Variants in NCAM1 observed in about 807,000 individuals in gnomAD.
NCAM1 encodes antigen recognized by monoclonal antibody 5.1H11.
Under a neutral mutation model 109.8 loss-of-function variants are expected in NCAM1, and 14 were observed. That is an observed-to-expected ratio of 0.13 (90% confidence interval 0.08 to 0.20). The LOEUF is 0.20. Ranked by LOEUF, NCAM1 falls within the 10% of genes least tolerant of loss-of-function variation. The probability of loss-of-function intolerance (pLI) is 1.00; values close to 1 mark genes in which losing one functional copy is unlikely to be tolerated. For synonymous variants in NCAM1, 418 were observed against 442.9 expected (o/e 0.94, Z 0.70); for missense variants, 774 against 1,109.9 (o/e 0.70, Z 4.30).
At chr11:112,977,634 C>G (rs1037515466) in intron 1 of NCAM1, among the ~76,000 whole-genome samples, 1 of 151,746 alleles carries the variant, frequency 6.6e-6, no homozygotes, top group Non-Finnish European at 1.5e-5. Context: ...AAATATGATA[C>G]AAAAGGTTTA....
intron 1 of NCAM1, among the ~76,000 whole-genome samples, chr11:113,121,902 C>T (rs987105117): frequency 6.6e-6 from 1 of 152,178 alleles, no homozygotes; most frequent in Non-Finnish European, 1.5e-5. Context: ...TAAAGCAGAT[C>T]TTAAATTCTT....
chr11:113,273,403 C>T lies in NCAM1; in HGVS notation c.2456+1527C>T. On this transcript the variant is annotated intron_variant, in intron 19 of 19. Transcript: ENST00000316851. This position sits in a 1 kb window ranked among gnomAD's most constrained non-coding sequence, Gnocchi z 6.0. ...GCAGCCAGTCCTCTAGCAGCAGCGG[C>T]TGCCCCTGCCACAGAAGCCCCTCAG... The T allele has an allele frequency of 3.0e-6, 1 of 329,792 alleles. No individual in the cohort carries two copies. Among genetic ancestry groups the T allele is most frequent in the Non-Finnish European group, 6.0e-6 (1 of 165,380 alleles). The allele number at this position is 329,792 out of a possible 1,614,324, so 20.4% of individuals were successfully genotyped here. A position where few individuals can be genotyped will look rare whatever the true frequency, so the allele number is the denominator to read the frequency against.
intron 1 of NCAM1, among the ~76,000 whole-genome samples, chr11:112,987,442 A>C (rs1300858916): frequency 6.6e-6 from 1 of 152,096 alleles, no homozygotes; most frequent in Non-Finnish European, 1.5e-5. Context: ...TTTTTCCATA[A>C]TGATTTTCTG....
At position 113,115,484 on chromosome 11, in the gene NCAM1, A is replaced by G. The variant is rs192753806; in HGVS notation, c.53-86895A>G. ...TGAGCATCCACATGAAATAGCAAGAAAGAAAATACCCTACCCTCCACCTCA... is the reference window on the plus strand; with the variant it reads ...TGAGCATCCACATGAAATAGCAAGAGAGAAAATACCCTACCCTCCACCTCA... On this transcript the variant is annotated intron_variant, in intron 1 of 19. Transcript: ENST00000316851. Among the ~76,000 whole-genome samples the G allele has an allele frequency of 1.2e-4, 18 of 152,320 alleles. No individual in the cohort carries two copies. In the South Asian group the frequency reaches 1.9e-3, roughly 16 times the overall value.
chr11:113,237,584 T>C (rs1945201567), intron 14 of NCAM1, among the ~76,000 whole-genome samples: 2 of 152,214 alleles, frequency 1.3e-5, no homozygotes, highest in Admixed American at 1.3e-4. Context: ...GAGGAGCCAC[T>C]CTGGGCATGA....
At chr11:113,013,426 C>CAAAAA (rs34001751) in intron 1 of NCAM1, among the ~76,000 whole-genome samples, 7 of 95,964 alleles carry the variant, frequency 7.3e-5, no homozygotes, top group Admixed American at 1.2e-4. Context: ...GACTCTGTCT[C>CAAAAA]AAAAAAAAAA....
At chr11:113,071,626 C>T (rs918156787) in intron 1 of NCAM1, among the ~76,000 whole-genome samples, 6 of 151,946 alleles carry the variant, frequency 3.9e-5, no homozygotes, top group African/African-American at 7.2e-5. Flanking sequence ...GGGGTTTCAC[C>T]GTGTTAGCCA....
intron 8 of NCAM1, among the ~76,000 whole-genome samples, chr11:113,220,602 CTTTTTTTTTTTTTT>C (rs1175342641): frequency 1.3e-5 from 1 of 75,584 alleles, no homozygotes; most frequent in Admixed American, 1.7e-4. Flanking sequence ...CTCTCTCTCT[CTTTTTTTTTTTTTT>C]TTTTTTTTTG....
intron 1 of NCAM1, among the ~76,000 whole-genome samples, chr11:113,022,869 T>C (rs1408869242): frequency 2.6e-5 from 4 of 152,090 alleles, no homozygotes; most frequent in Non-Finnish European, 5.9e-5. Context: ...TCACACTACA[T>C]CTGCATTCTA....
At chr11:113,106,395 C>T (rs1308979957) in intron 1 of NCAM1, among the ~76,000 whole-genome samples, 7 of 152,160 alleles carry the variant, frequency 4.6e-5, no homozygotes, top group African/African-American at 7.2e-5. Context: ...GGGAGTCTAA[C>T]AGTTGATGAC....
intron 1 of NCAM1, among the ~76,000 whole-genome samples, chr11:113,035,190 T>C (rs1343969826): frequency 6.6e-6 from 1 of 152,210 alleles, no homozygotes; most frequent in African/African-American, 2.4e-5. Flanking sequence ...ACCTTATAAC[T>C]AGGGCCCATT....
chr11:113,157,970 A>G (rs1009919152), intron 1 of NCAM1, among the ~76,000 whole-genome samples: 5 of 152,158 alleles, frequency 3.3e-5, no homozygotes, highest in African/African-American at 9.7e-5. Flanking sequence ...CTTTAATACT[A>G]CACCAACATT....
At chr11:113,044,663 C>A (rs1555080501) in intron 1 of NCAM1, among the ~76,000 whole-genome samples, 1 of 151,740 alleles carries the variant, frequency 6.6e-6, no homozygotes. Flanking sequence ...CCAGCCTGGG[C>A]GACAGAGTGA....
intron 1 of NCAM1, among the ~76,000 whole-genome samples, chr11:112,984,277 A>G (rs1204660445): frequency 6.6e-6 from 1 of 151,822 alleles, no homozygotes; most frequent in African/African-American, 2.4e-5. Context: ...TATATATATG[A>G]GTTTTAAAAT....
chr11:113,232,943 G>C (rs1266033363), intron 12 of NCAM1, 129 bp downstream of exon 12: 13 of 1,006,690 alleles, frequency 1.3e-5, no homozygotes, highest in Middle Eastern at 3.1e-4. Flanking sequence ...CAAAGCCAGA[G>C]AGTTGGGAAG....
At chr11:112,986,597 C>T (rs1555069703) in intron 1 of NCAM1, among the ~76,000 whole-genome samples, 1 of 151,814 alleles carries the variant, frequency 6.6e-6, no homozygotes, top group African/African-American at 2.4e-5. Context: ...TACTTGTTAC[C>T]TGTCTGCTCA....
At chr11:113,176,824 A>G (rs1943161499) in intron 1 of NCAM1, among the ~76,000 whole-genome samples, 1 of 152,120 alleles carries the variant, frequency 6.6e-6, no homozygotes, top group South Asian at 2.1e-4. Flanking sequence ...AATGCTTTCC[A>G]AATGTTTCCA....
At chr11:113,025,492 C>G (rs10750021) in intron 1 of NCAM1, among the ~76,000 whole-genome samples, 68,556 of 151,778 alleles carry the variant, frequency 0.45, 16,351 homozygotes, top group East Asian at 0.8. Context: ...ATGGTGTAAA[C>G]GTAAAAGAGT....
intron 1 of NCAM1, among the ~76,000 whole-genome samples, chr11:113,043,944 C>CTT (rs59982668): frequency 5.5e-4 from 78 of 142,228 alleles, no homozygotes; most frequent in Middle Eastern, 3.6e-3. Flanking sequence ...GAGTAGTTTC[C>CTT]TTTTTTTTTT....
Sources: gnomAD v4.1 joint callset for allele counts (sites outside exome capture counted in the v4.1 genomes callset) on GRCh38, gnomAD v4.1.1 for gene constraint, Gnocchi (gnomAD v3.1) non-coding constraint, MANE v1.5 for transcripts, NCBI Gene and HGNC (gene_info 2026-07-23, HGNC 2026-07-21) for gene names.